Variants in PTPRB observed in about 807,000 individuals in gnomAD.
PTPRB encodes the protein receptor-type tyrosine-protein phosphatase beta.
PTPRB carries 97 observed loss-of-function variants against 238.1 expected under a neutral mutation model. The ratio of observed to expected loss-of-function variants is 0.41; its 90% CI spans 0.35 to 0.48. The LOEUF is 0.48. Ranked by LOEUF, PTPRB falls within the 20% of genes least tolerant of loss-of-function variation. PTPRB has a pLI of 0.30. For missense variants in PTPRB, 2,292 were observed against 2,681.9 expected (o/e 0.85, Z 3.21); for synonymous variants, 970 against 995.4 (o/e 0.97, Z 0.48).
At chr12:70,533,048 A>T (rs962130662) in intron 31 of PTPRB, among the ~76,000 whole-genome samples, 1 of 152,216 alleles carries the variant, frequency 6.6e-6, no homozygotes, top group Non-Finnish European at 1.5e-5. Context: ...TGCAAAGAAC[A>T]TGAATATATG....
In PTPRB at chr12:70,635,941, G is replaced by T; in HGVS notation, c.181C>A (p.Leu61Ile). The T allele has an allele frequency of 1.2e-5, 20 of 1,613,678 alleles. No individual in the cohort carries two copies. The highest frequency in any genetic ancestry group is 1.7e-5 in the Non-Finnish European group (20 of 1,179,824). ...AAGCACAGTGCAGATTTAACATGAA[G>T]GAGCTTTTCATCCTCAGTCCACATC... ...QWMWTEDEKL[L>I]HVKSALCLAI... The change falls in exon 2 of 34, where the codon CTT (leucine) becomes ATT (isoleucine). Residue 61 changes from leucine to isoleucine, a missense_variant. By Grantham distance (5) the Leu-to-Ile change is conservative. Around this residue, in one of 4 missense-constraint regions of PTPRB, gnomAD observed 1,205 missense variants for 1,287.8 expected, o/e 0.94. Transcript: ENST00000334414.
chr12:70,528,005 A>C (rs1031837903), intron 32 of PTPRB, among the ~76,000 whole-genome samples: 2 of 152,214 alleles, frequency 1.3e-5, no homozygotes, highest in African/African-American at 4.8e-5. Context: ...AAAGTAATGC[A>C]TTTAAATGCC....
intron 2 of PTPRB, among the ~76,000 whole-genome samples, chr12:70,628,814 C>G (rs1193285555): frequency 6.6e-6 from 1 of 152,076 alleles, no homozygotes; most frequent in Admixed American, 6.6e-5. Flanking sequence ...ATTCTCCCAC[C>G]TTGGCCTCCC....
At chr12:70,589,214 C>A (rs1170899667) in intron 8 of PTPRB, among the ~76,000 whole-genome samples, 1 of 152,166 alleles carries the variant, frequency 6.6e-6, no homozygotes, top group East Asian at 1.9e-4. Flanking sequence ...CATTGGCAAG[C>A]TAAGTGGGTG....
At chr12:70,627,877 C>T (rs1885276067) in intron 2 of PTPRB, among the ~76,000 whole-genome samples, 1 of 152,080 alleles carries the variant, frequency 6.6e-6, no homozygotes, top group Non-Finnish European at 1.5e-5. Flanking sequence ...TTTGTTTTTC[C>T]CCACAAGCTC....
chr12:70,526,323 C>T (rs567920273), intron 32 of PTPRB, among the ~76,000 whole-genome samples: 1 of 152,280 alleles, frequency 6.6e-6, no homozygotes, highest in Admixed American at 6.5e-5. Flanking sequence ...ACACCTCAGT[C>T]TCCTGAGTAG....
intron 33 of PTPRB, among the ~76,000 whole-genome samples, chr12:70,523,183 T>G (rs1871869876): frequency 6.6e-6 from 1 of 151,744 alleles, no homozygotes; most frequent in Non-Finnish European, 1.5e-5. Flanking sequence ...TGAGATACAA[T>G]CTTGCTCTAT....
intron 16 of PTPRB, among the ~76,000 whole-genome samples, chr12:70,562,480 C>G (rs750742060): frequency 6.6e-6 from 1 of 152,268 alleles, no homozygotes; most frequent in South Asian, 2.1e-4. Flanking sequence ...CCCTTCTCTG[C>G]TCCTGCTCTC....
chr12:70,573,505 CTTTTTTT>C (rs937307862), intron 11 of PTPRB, among the ~76,000 whole-genome samples: 1 of 90,824 alleles, frequency 1.1e-5, no homozygotes, highest in South Asian at 3.8e-4. Flanking sequence ...CTTTTCTTTT[CTTTTTTT>C]TTTTTTTTTT....
Position 70,559,351 on chromosome 12 carries a change from A to C in PTPRB, c.4706T>G (p.Val1569Gly). ...KTYSKPIFGSVRTKPDKIQNL... is the reference protein window; with the variant it reads ...KTYSKPIFGSGRTKPDKIQNL... ...AGCAAAACATGTCATACTTGTCCTC[A>C]CAGATCCAAAAATTGGTTTGCTGTA... Residue 1569 changes from valine to glycine, a missense_variant, in exon 18 of 34, where the codon GTG becomes GGG. This residue lies in a region of PTPRB where 683 missense variants were observed against 862.0 expected (regional missense o/e 0.79). Transcript: ENST00000334414. 6.2e-7 allele frequency: 1 copy of C among 1,612,116 alleles called. No homozygotes were observed. Among genetic ancestry groups the C allele is most frequent in the Non-Finnish European group, 8.5e-7 (1 of 1,178,192 alleles).
At chr12:70,610,067 T>C (rs1884336441) in intron 3 of PTPRB, among the ~76,000 whole-genome samples, 2 of 152,230 alleles carry the variant, frequency 1.3e-5, no homozygotes, top group African/African-American at 4.8e-5. Flanking sequence ...GCTGCCATTC[T>C]GACCCGCGCT....
At chr12:70,572,731 GC>G (rs1348326789) in intron 11 of PTPRB, among the ~76,000 whole-genome samples, 4 of 144,648 alleles carry the variant, frequency 2.8e-5, no homozygotes, top group Non-Finnish European at 6.0e-5. Context: ...ATCACATCAT[GC>G]CCCTGCACTC....
At chr12:70,602,835 A>T (rs1482470581) in intron 4 of PTPRB, among the ~76,000 whole-genome samples, 1 of 152,194 alleles carries the variant, frequency 6.6e-6, no homozygotes, top group Non-Finnish European at 1.5e-5. Context: ...AATCCCTGCA[A>T]ACCTAGATAT....
chr12:70,635,198 C>T (rs1566029866), intron 2 of PTPRB, among the ~76,000 whole-genome samples: 1 of 152,134 alleles, frequency 6.6e-6, no homozygotes, highest in Non-Finnish European at 1.5e-5. Context: ...TGCAAAAACA[C>T]AACTATCTTC....
chr12:70,559,470 G>A lies in PTPRB; in HGVS notation c.4587C>T (p.Asn1529=). The A allele has an allele frequency of 6.2e-7, 1 of 1,613,968 alleles. No individual in the cohort carries two copies. Among genetic ancestry groups the A allele is most frequent in the Non-Finnish European group, 8.5e-7 (1 of 1,179,892 alleles). Residue 1529 remains asparagine (N), a synonymous_variant, in exon 18 of 34, where the codon AAC becomes AAT. Transcript: ENST00000334414. The part of the protein sequence containing the change: ...DALTVFNPYN[N]RKSEGRIVYG... ...ACACAATGCGTCCTTCTGATTTTCT[G>A]TTGTTGTAGGGGTTGAAGACAGTAA...
chr12:70,555,008 A>C (rs1053723042), intron 20 of PTPRB, 152 bp downstream of exon 20: 7 of 823,762 alleles, frequency 8.5e-6, no homozygotes, highest in Non-Finnish European at 1.3e-5. Context: ...TTTTTCTTAC[A>C]TCTCCCTGTA....
At chr12:70,633,261 G>A (rs969200516) in intron 2 of PTPRB, among the ~76,000 whole-genome samples, 4 of 152,066 alleles carry the variant, frequency 2.6e-5, no homozygotes, top group African/African-American at 9.7e-5. Context: ...CATGATATAG[G>A]TCTACAAGTA....
At chr12:70,581,544 T>C (rs1249216694) in intron 9 of PTPRB, among the ~76,000 whole-genome samples, 2 of 152,180 alleles carry the variant, frequency 1.3e-5, no homozygotes, top group Non-Finnish European at 2.9e-5. Context: ...AAAGATGAGA[T>C]GATGCATGCT....
chr12:70,565,089 C>T (rs1420466811), intron 15 of PTPRB, among the ~76,000 whole-genome samples: 2 of 152,172 alleles, frequency 1.3e-5, no homozygotes, highest in South Asian at 4.1e-4. Context: ...GCAGTTAGAA[C>T]AGTGCCTAGC....
Sources: allele counts gnomAD v4.1 joint callset (sites outside exome capture counted in the v4.1 genomes callset), GRCh38; gene constraint gnomAD v4.1.1; regional missense constraint gnomAD v4.1.1; transcripts MANE v1.5; gene names NCBI Gene and HGNC (gene_info 2026-07-23, HGNC 2026-07-21).